Variants in PTPRJ observed in about 807,000 individuals in gnomAD.
PTPRJ encodes protein tyrosine phosphatase receptor type J.
A neutral mutation model predicts 141.3 loss-of-function variants in PTPRJ; 129 were observed. The observed-to-expected ratio is 0.91, with a 90% CI of 0.79 to 1.06. PTPRJ has a LOEUF of 1.06. PTPRJ is among the 50% of genes least tolerant of loss of function. The probability of loss-of-function intolerance (pLI) is 0.00; values close to 1 mark genes in which losing one functional copy is unlikely to be tolerated. For synonymous variants in PTPRJ, 610 were observed against 640.5 expected, an observed-to-expected ratio of 0.95 and a Z score of 0.72; for missense variants, 1,601 against 1,679.7, an observed-to-expected ratio of 0.95 and a Z score of 0.82.
chr11:48,066,537 A>G (rs986227547), intron 1 of PTPRJ, among the ~76,000 whole-genome samples: 2 of 148,720 alleles, frequency 1.3e-5, no homozygotes, highest in Non-Finnish European at 3.0e-5. Flanking sequence ...GGCTGGTTTT[A>G]TAGGAATTAT....
At position 48,027,518 on chromosome 11, in the gene PTPRJ, C is replaced by T. The variant is rs1346789374; in HGVS notation, c.96+46510C>T. Reference sequence around the variant, plus strand: ...ATAAAACTTCAGTGTCGTCTGGGTGCAGTGACTCACGCCTGTAATCCCAGC... The same window carrying T: ...ATAAAACTTCAGTGTCGTCTGGGTGTAGTGACTCACGCCTGTAATCCCAGC... On this transcript the variant is annotated intron_variant, in intron 1 of 24. Coordinates refer to ENST00000418331, the MANE Select transcript of PTPRJ (RefSeq NM_002843.4). Among the ~76,000 whole-genome samples, 3 of 152,082 alleles carry T rather than the reference C, an allele frequency of 2.0e-5. No homozygotes were observed. The East Asian group carries it at 5.8e-4, about 30-fold the overall frequency.
At chr11:48,102,907 T>C (rs1208059054) in intron 1 of PTPRJ, among the ~76,000 whole-genome samples, 1 of 152,020 alleles carries the variant, frequency 6.6e-6, no homozygotes, top group Non-Finnish European at 1.5e-5. Flanking sequence ...GATGAAGAGA[T>C]TAGCCCTGTG....
At chr11:48,064,764 G>A (rs77559567) in intron 1 of PTPRJ, among the ~76,000 whole-genome samples, 13 of 150,942 alleles carry the variant, frequency 8.6e-5, no homozygotes, top group East Asian at 6.0e-4. Flanking sequence ...CCACGGGCCC[G>A]AGAACTGAGT....
chr11:48,159,911 A>G lies in PTPRJ; in HGVS notation c.3439-19A>G, dbSNP rs200180904. 1.5e-5 allele frequency: 24 copies of G among 1,613,136 alleles called. No individual in the cohort carries two copies. In the African/African-American group the frequency reaches 2.8e-4, roughly 19 times the overall value. On this transcript the variant is annotated intron_variant, in intron 21 of 24. Coordinates refer to ENST00000418331, the MANE Select transcript of PTPRJ (RefSeq NM_002843.4). ...TGGCATGATCTGAGTCTTCTTATAA[A>G]AATGCAATTTTGTTCTAGACCAAAT...
At chr11:48,098,517 C>CTTTTTT (rs762125208) in intron 1 of PTPRJ, among the ~76,000 whole-genome samples, 1 of 36,358 alleles carries the variant, frequency 2.8e-5, no homozygotes. Flanking sequence ...CATTTTATCT[C>CTTTTTT]TTTTTTTTTT....
intron 22 of PTPRJ, among the ~76,000 whole-genome samples, chr11:48,161,321 G>A (rs570404601): frequency 2.0e-5 from 3 of 152,138 alleles, no homozygotes; most frequent in African/African-American, 7.2e-5. Flanking sequence ...AAGGAAAGCC[G>A]GGAAGTATAG....
At chr11:48,051,084 CTTTTTTTTTTTTTTT>C (rs59987198) in intron 1 of PTPRJ, among the ~76,000 whole-genome samples, 60 of 79,318 alleles carry the variant, frequency 7.6e-4, no homozygotes, top group African/African-American at 3.0e-3. Context: ...TAACTGATGA[CTTTTTTTTTTTTTTT>C]TTTTTTTTTT....
chr11:48,031,592 A>G (rs1397216833), intron 1 of PTPRJ, among the ~76,000 whole-genome samples: 2 of 152,202 alleles, frequency 1.3e-5, no homozygotes, highest in Admixed American at 6.5e-5. Flanking sequence ...CTTGGATGCA[A>G]AGGCCTGTGT....
At chr11:48,057,586 G>A (rs920499488) in intron 1 of PTPRJ, among the ~76,000 whole-genome samples, 2 of 152,076 alleles carry the variant, frequency 1.3e-5, no homozygotes, top group African/African-American at 4.8e-5. Flanking sequence ...TGGTGGCAGC[G>A]GTAGCCCCCA....
At chr11:48,082,644 A>G (rs778309142) in intron 1 of PTPRJ, among the ~76,000 whole-genome samples, 5 of 147,162 alleles carry the variant, frequency 3.4e-5, no homozygotes, top group Non-Finnish European at 6.0e-5. Flanking sequence ...ATGGCGATGT[A>G]GTAATCTTGC....
chr11:48,064,828 T>C (rs546489189), intron 1 of PTPRJ, among the ~76,000 whole-genome samples: 1 of 151,496 alleles, frequency 6.6e-6, no homozygotes, highest in Non-Finnish European at 1.5e-5. Context: ...GCCATGTTGG[T>C]CAGGATGGTC....
At position 48,159,981 on chromosome 11, in the gene PTPRJ, A is replaced by G. The variant is rs747789512; in HGVS notation, c.3490A>G (p.Ile1164Val). 6.2e-6 allele frequency: 10 copies of G among 1,613,892 alleles called. No individual in the cohort carries two copies. In the Admixed American group the frequency reaches 1.0e-4, roughly 16 times the overall value. ...PSKQAQDYGD[I>V]TVAMTSEIVL... ...CAAGCAGGCTCAGGACTATGGAGAC[A>G]TAACTGTGGCAATGACATCAGAAAT... The change falls in exon 22 of 25, where the codon ATA becomes GTA. Residue 1164 changes from isoleucine to valine, a missense_variant. Transcript: ENST00000418331.
chr11:48,036,253 G>T (rs1360060944), intron 1 of PTPRJ, among the ~76,000 whole-genome samples: 1 of 152,164 alleles, frequency 6.6e-6, no homozygotes, highest in African/African-American at 2.4e-5. Context: ...GCCCCTTCTT[G>T]GCATTCCCAG....
chr11:48,075,607 G>A (rs1395550757), intron 1 of PTPRJ, among the ~76,000 whole-genome samples: 4 of 151,950 alleles, frequency 2.6e-5, no homozygotes, highest in African/African-American at 9.7e-5. Flanking sequence ...TTGTGTGTGT[G>A]TGTGTGGTGG....
At chr11:48,078,487 A>G (rs751555919) in intron 1 of PTPRJ, among the ~76,000 whole-genome samples, 2 of 152,160 alleles carry the variant, frequency 1.3e-5, no homozygotes, top group African/African-American at 2.4e-5. Flanking sequence ...AAGGTGTTTG[A>G]CCATTTTTAG....
At chr11:48,147,129 G>A (rs1316971025) in intron 15 of PTPRJ, among the ~76,000 whole-genome samples, 166 bp downstream of exon 15, 2 of 152,190 alleles carry the variant, frequency 1.3e-5, no homozygotes, top group African/African-American at 2.4e-5. Flanking sequence ...TGCGCCCCCA[G>A]CTGGGCGATG....
intron 1 of PTPRJ, among the ~76,000 whole-genome samples, chr11:48,079,796 A>G (rs188211178): frequency 6.6e-6 from 1 of 152,192 alleles, no homozygotes; most frequent in East Asian, 1.9e-4. Flanking sequence ...TTTAGCGTAA[A>G]GAGAGGGCCA....
intron 12 of PTPRJ, among the ~76,000 whole-genome samples, chr11:48,143,365 G>C (rs922699915): frequency 2.6e-5 from 4 of 152,230 alleles, no homozygotes; most frequent in African/African-American, 9.6e-5. Flanking sequence ...ATTCCCACTA[G>C]ATGTTATTTA....
intron 1 of PTPRJ, among the ~76,000 whole-genome samples, chr11:48,075,468 G>C (rs1336016700): frequency 6.6e-6 from 1 of 152,076 alleles, no homozygotes; most frequent in Non-Finnish European, 1.5e-5. Context: ...TATCACCCAG[G>C]CTGGAGTGCA....
Sources: gnomAD v4.1 joint callset for allele counts (sites outside exome capture counted in the v4.1 genomes callset) on GRCh38, gnomAD v4.1.1 for gene constraint, MANE v1.5 for transcripts, NCBI Gene and HGNC (gene_info 2026-07-23, HGNC 2026-07-21) for gene names.